COL13A1: variants seen among roughly 807,000 people sequenced by gnomAD.
The protein encoded by COL13A1 is collagen type XIII alpha 1 chain.
COL13A1 carries 89 observed loss-of-function variants against 130.9 expected under a neutral mutation model. The ratio of observed to expected loss-of-function variants is 0.68; its 90% CI spans 0.57 to 0.81. The LOEUF is 0.81. Ranked by LOEUF, COL13A1 falls within the 30% of genes least tolerant of loss-of-function variation. COL13A1 has a pLI of 0.00. For synonymous variants in COL13A1, 402 were observed against 341.6 expected (o/e 1.18, Z -1.95); for missense variants, 879 against 934.6 (o/e 0.94, Z 0.78).
chr10:69,875,267 AG>A, intron 5 of COL13A1, 104 bp downstream of exon 5: 1 of 1,417,370 alleles, frequency 7.1e-7, no homozygotes, highest in Non-Finnish European at 9.9e-7. Flanking sequence ...AGGCCCAAGG[AG>A]GGGGTCAGCA....
At position 69,802,603 on chromosome 10, in the gene COL13A1, C is replaced by A. The variant is rs759802996; in HGVS notation, c.180C>A (p.Leu60=). The A allele has an allele frequency of 5.6e-6, 9 of 1,612,792 alleles. No individual in the cohort carries two copies. In the Admixed American group the frequency reaches 1.5e-4, roughly 27 times the overall value. Reference sequence around the variant, plus strand: ...TCTGCTCGCTGGCACTCAGCCTGCTCGCCCACTTTCGGACGGCCGAGCTGC... The same window carrying A: ...TCTGCTCGCTGGCACTCAGCCTGCTAGCCCACTTTCGGACGGCCGAGCTGC... ...LALCSLALSL[L]AHFRTAELQA... Residue 60 remains leucine, a synonymous_variant, in exon 1 of 41, where the codon CTC becomes CTA. Coordinates refer to ENST00000645393, the MANE Select transcript of COL13A1 (RefSeq NM_001368882.1).
Position 69,853,631 on chromosome 10 carries a change from T to C in COL13A1, c.365-14167T>C, listed in dbSNP as rs1589082658. The stretch of plus-strand genomic sequence containing the variant: ...GAAAACTGCTAGATGTACAAAGATA[T>C]TCACTGCAGCATAGAATATAAAAAA... On this transcript the variant is annotated intron_variant, in intron 2 of 40. Transcript: ENST00000645393. Among the ~76,000 whole-genome samples the C allele has an allele frequency of 1.3e-5, 2 of 152,226 alleles. 1 individual carries two copies. The highest frequency in any genetic ancestry group is 2.9e-5 in the Non-Finnish European group (2 of 68,032).
intron 9 of COL13A1, among the ~76,000 whole-genome samples, chr10:69,888,860 CA>C (rs1312480221): frequency 2.0e-5 from 3 of 152,160 alleles, no homozygotes; most frequent in Non-Finnish European, 4.4e-5. Flanking sequence ...CACAAATGTT[CA>C]TGGGAGAAAG....
At chr10:69,878,567 C>T (rs572339642) in intron 6 of COL13A1, among the ~76,000 whole-genome samples, 12 of 152,218 alleles carry the variant, frequency 7.9e-5, no homozygotes, top group East Asian at 3.9e-4. Context: ...CTGCAACCTC[C>T]GTCTCCTGGG....
At chr10:69,907,743 C>T (rs1003700232) in intron 17 of COL13A1, among the ~76,000 whole-genome samples, 2 of 152,100 alleles carry the variant, frequency 1.3e-5, no homozygotes, top group South Asian at 4.1e-4. Context: ...CAATCACAAA[C>T]CCACACCCAT....
At chr10:69,881,098 A>T (rs1038513957) in intron 7 of COL13A1, among the ~76,000 whole-genome samples, 1 of 152,226 alleles carries the variant, frequency 6.6e-6, no homozygotes, top group Non-Finnish European at 1.5e-5. Context: ...CTCCCCTCAC[A>T]TGTGCTTCCT....
chr10:69,850,853 G>C (rs1422119468), intron 2 of COL13A1, among the ~76,000 whole-genome samples: 1 of 152,252 alleles, frequency 6.6e-6, no homozygotes, highest in Non-Finnish European at 1.5e-5. Flanking sequence ...GTTGCCCCAA[G>C]GGGGCCAGGC....
Position 69,902,047 on chromosome 10 carries a change from G to T in COL13A1, c.751-701G>T, listed in dbSNP as rs549296281. ...AGGCTGTGTGTGAGAAGGGCTAGGA[G>T]GGAGAGGACAAAAGCAGCCAGAGAA... On this transcript the variant is annotated intron_variant, in intron 14 of 40. Coordinates refer to ENST00000645393, the MANE Select transcript of COL13A1 (RefSeq NM_001368882.1). 6.6e-5 allele frequency among the ~76,000 whole-genome samples: 10 copies of T among 152,284 alleles called. No homozygotes were observed. The South Asian group carries it at 1.5e-3, about 22-fold the overall frequency.
chr10:69,878,486 T>G (rs75575112), intron 6 of COL13A1, among the ~76,000 whole-genome samples: 5,693 of 146,746 alleles, frequency 0.039, 116 homozygotes, highest in Middle Eastern at 0.07. Context: ...GAGCAACACT[T>G]CTTTTTTTTT....
At chr10:69,922,925 T>TC (rs1156989664) in intron 23 of COL13A1, 131 bp downstream of exon 23, 59 of 584,378 alleles carry the variant, frequency 1.0e-4, no homozygotes, top group East Asian at 1.6e-4. Context: ...TGTGTGGTTT[T>TC]CCCCATGGAT....
At chr10:69,905,163 G>T (rs575106422) in intron 16 of COL13A1, among the ~76,000 whole-genome samples, 1 of 152,148 alleles carries the variant, frequency 6.6e-6, no homozygotes, top group African/African-American at 2.4e-5. Context: ...GGGTGCTCAC[G>T]CCAATGAAGC....
rs1846307784 is a variant in COL13A1 at position 69,822,350 on chromosome 10, T to G, written c.295-19T>G. 1.9e-6 allele frequency: 3 copies of G among 1,564,646 alleles called. No individual in the cohort carries two copies. Among genetic ancestry groups the G allele is most frequent in the Non-Finnish European group, 2.6e-6 (3 of 1,155,164 alleles). On this transcript the variant is annotated intron_variant, in intron 1 of 40. Transcript: ENST00000645393. ...TCTACGAGCTCCTGGTGACTCCTCT[T>G]GTCTGTCTCCTTGTACAGAAATGGA...
At chr10:69,886,242 C>T (rs951490305) in intron 7 of COL13A1, among the ~76,000 whole-genome samples, 1 of 152,188 alleles carries the variant, frequency 6.6e-6, no homozygotes, top group Non-Finnish European at 1.5e-5. Context: ...ATGGCAGCTA[C>T]CATTTCAATA....
chr10:69,889,513 T>A, intron 10 of COL13A1, 73 bp downstream of exon 10: 2 of 1,574,988 alleles, frequency 1.3e-6, no homozygotes, highest in South Asian at 2.3e-5. Context: ...AGCCAAGCAC[T>A]GCAAAGTGGG....
At chr10:69,856,801 T>C (rs947858708) in intron 2 of COL13A1, among the ~76,000 whole-genome samples, 1 of 152,202 alleles carries the variant, frequency 6.6e-6, no homozygotes, top group Non-Finnish European at 1.5e-5. Context: ...CTTGAGAAGA[T>C]ATCTCTAGGT....
In COL13A1 at chr10:69,912,296, G is replaced by A. The variant is rs1177177000; in HGVS notation, c.922-4993G>A. Among the ~76,000 whole-genome samples the A allele has an allele frequency of 8.5e-5, 13 of 152,216 alleles. No individual in the cohort carries two copies. In the South Asian group the frequency reaches 2.3e-3, roughly 27 times the overall value. The stretch of plus-strand genomic sequence containing the variant: ...AGCCCTGGCCTTCAATGGGGCACCC[G>A]ACCCCGGTAATTCCCCGGATCACTT... On this transcript the variant is annotated intron_variant, in intron 17 of 40. Coordinates refer to ENST00000645393, the MANE Select transcript of COL13A1 (RefSeq NM_001368882.1).
chr10:69,877,954 C>T (rs904190975), intron 5 of COL13A1, 85 bp from the exon 6 acceptor site: 10 of 689,052 alleles, frequency 1.5e-5, no homozygotes, highest in Admixed American at 6.1e-5. Flanking sequence ...CATGGATTCT[C>T]GTGTGGGTGC....
intron 2 of COL13A1, among the ~76,000 whole-genome samples, chr10:69,829,884 A>G (rs897343127): frequency 6.6e-6 from 1 of 152,346 alleles, no homozygotes; most frequent in African/African-American, 2.4e-5. Flanking sequence ...GGAATTCTCC[A>G]AAGTTCATTT....
rs755586035 is a variant in COL13A1, at chr10:69,925,676, G to A, written c.1330-128G>A. 45 of 660,928 alleles carry A rather than the reference G, an allele frequency of 6.8e-5. No individual in the cohort carries two copies. The African/African-American group carries it at 7.2e-4, about 11-fold the overall frequency. 40.9% of individuals were successfully genotyped at this position (660,928 alleles called of 1,614,324 possible). A position where few individuals can be genotyped will look rare whatever the true frequency, so the allele number is the denominator to read the frequency against. On this transcript the variant is annotated intron_variant, in intron 25 of 40. Coordinates refer to ENST00000645393, the MANE Select transcript of COL13A1 (RefSeq NM_001368882.1). ...GAGTGTTCAGAATCCCCAGGGCCCCGCTGGCTGTTCTGGGTCCACCCATGT... is the reference window on the plus strand; with the variant it reads ...GAGTGTTCAGAATCCCCAGGGCCCCACTGGCTGTTCTGGGTCCACCCATGT...
Sources: gnomAD v4.1 joint callset for allele counts (sites outside exome capture counted in the v4.1 genomes callset) on GRCh38, gnomAD v4.1.1 for gene constraint, MANE v1.5 for transcripts, NCBI Gene and HGNC (gene_info 2026-07-23, HGNC 2026-07-21) for gene names.